DPF3: variants seen among roughly 807,000 people sequenced by gnomAD.
The protein encoded by DPF3 is zinc finger protein DPF3.
A neutral mutation model predicts 56.8 loss-of-function variants in DPF3; 18 were observed. The ratio of observed to expected loss-of-function variants is 0.32; its 90% CI spans 0.22 to 0.47. DPF3 has a LOEUF of 0.47. DPF3 is among the 20% of genes least tolerant of loss of function. The pLI, the probability that DPF3 is intolerant of heterozygous loss-of-function variation, is 1.00. For missense variants in DPF3, 403 were observed against 488.8 expected (o/e 0.82, Z 1.65); for synonymous variants, 188 against 180.2 (o/e 1.04, Z -0.35).
chr14:72,677,532 C>T, intron 7 of DPF3, among the ~76,000 whole-genome samples: 1 of 152,136 alleles, frequency 6.6e-6, no homozygotes, highest in Non-Finnish European at 1.5e-5. Context: ...CCCCGTTTCA[C>T]ATTATCATCT....
intron 1 of DPF3, among the ~76,000 whole-genome samples, chr14:72,781,872 G>A (rs77372800): frequency 0.033 from 5,090 of 152,182 alleles, 301 homozygotes; most frequent in African/African-American, 0.11. Flanking sequence ...GTGAGGTGGT[G>A]GAGAAGCCTG....
intron 3 of DPF3, among the ~76,000 whole-genome samples, chr14:72,746,667 G>A (rs1219924510): frequency 3.3e-5 from 5 of 152,218 alleles, no homozygotes; most frequent in East Asian, 1.9e-4. Flanking sequence ...CCCCGAGGGC[G>A]GATAATTGCA....
chr14:72,773,794 G>T, intron 1 of DPF3: 1 of 454,532 alleles, frequency 2.2e-6, no homozygotes, highest in South Asian at 1.6e-5. Context: ...GCATATGTCA[G>T]AATTTCCTTC....
intron 1 of DPF3, among the ~76,000 whole-genome samples, chr14:72,821,669 T>C (rs766390846): frequency 6.6e-6 from 1 of 152,172 alleles, no homozygotes; most frequent in Non-Finnish European, 1.5e-5. Flanking sequence ...ACAAATTGTT[T>C]CATTGCAGCA....
chr14:72,878,717 G>A (rs1886209784), intron 1 of DPF3, among the ~76,000 whole-genome samples: 1 of 152,218 alleles, frequency 6.6e-6, no homozygotes, highest in Non-Finnish European at 1.5e-5. Context: ...TTACTCCCCT[G>A]AAAGAAAGCA....
At chr14:72,737,210 CA>C (rs991802363) in intron 3 of DPF3, among the ~76,000 whole-genome samples, 2 of 148,970 alleles carry the variant, frequency 1.3e-5, no homozygotes, top group Non-Finnish European at 3.0e-5. Context: ...AACAAACAAA[CA>C]AAAAAAACCA....
intron 7 of DPF3, among the ~76,000 whole-genome samples, chr14:72,689,240 A>C (rs113630272): frequency 1.8e-3 from 267 of 152,206 alleles, no homozygotes; most frequent in Non-Finnish European, 3.4e-3. Flanking sequence ...AGGAGGACCA[A>C]AGTCAAAAGG....
intron 3 of DPF3, among the ~76,000 whole-genome samples, chr14:72,739,517 C>G (rs1567217369): frequency 2.6e-5 from 4 of 152,052 alleles, no homozygotes; most frequent in African/African-American, 9.7e-5. Context: ...TGCTTTTCAG[C>G]AAAAAAACCC....
chr14:72,883,765 T>C (rs1241945117), intron 1 of DPF3, among the ~76,000 whole-genome samples: 1 of 151,936 alleles, frequency 6.6e-6, no homozygotes, highest in Non-Finnish European at 1.5e-5. Context: ...CGATCTCTAC[T>C]GAAAATACAA....
At chr14:72,680,055 G>A (rs1296005382) in intron 7 of DPF3, among the ~76,000 whole-genome samples, 4 of 152,038 alleles carry the variant, frequency 2.6e-5, no homozygotes, top group South Asian at 2.1e-4. Flanking sequence ...GAGACAAGGC[G>A]CCTGCGAGGA....
intron 1 of DPF3, among the ~76,000 whole-genome samples, chr14:72,883,497 A>C (rs2140126970): frequency 6.6e-6 from 1 of 152,210 alleles, no homozygotes; most frequent in African/African-American, 2.4e-5. Flanking sequence ...TCTCCAAAAA[A>C]TATATGAGAA....
chr14:72,881,463 G>C (rs1308445184), intron 1 of DPF3, among the ~76,000 whole-genome samples: 1 of 152,076 alleles, frequency 6.6e-6, no homozygotes, highest in African/African-American at 2.4e-5. Context: ...TATTCTCCCT[G>C]TGTCGATAGT....
chr14:72,681,786 G>A (rs560495865), intron 7 of DPF3, among the ~76,000 whole-genome samples: 2 of 152,348 alleles, frequency 1.3e-5, no homozygotes, highest in Admixed American at 1.3e-4. Context: ...TGCCAGCAGT[G>A]TGTGCACCAT....
chr14:72,622,043 T>C (rs1884482947), intron 9 of DPF3, among the ~76,000 whole-genome samples: 1 of 152,192 alleles, frequency 6.6e-6, no homozygotes. Flanking sequence ...GTGAAGGTCC[T>C]AGGAGAGGAA....
chr14:72,695,705 G>A (rs1475293400), intron 6 of DPF3, among the ~76,000 whole-genome samples: 4 of 152,126 alleles, frequency 2.6e-5, no homozygotes, highest in Admixed American at 2.6e-4. Flanking sequence ...AAAGGGGGAA[G>A]GGAAGGAAGA....
chr14:72,775,247 G>GA (rs1891701103), intron 1 of DPF3, among the ~76,000 whole-genome samples: 1 of 151,990 alleles, frequency 6.6e-6, no homozygotes, highest in Non-Finnish European at 1.5e-5. Context: ...AAAACAAAAT[G>GA]AAAAATTGTA....
chr14:72,738,648 G>C (rs1181703177), intron 3 of DPF3, among the ~76,000 whole-genome samples: 2 of 152,182 alleles, frequency 1.3e-5, no homozygotes, highest in Non-Finnish European at 2.9e-5. Context: ...ATCAGGAGAG[G>C]CTGGTCAGAT....
At chr14:72,769,615 G>A (rs1453564199) in intron 2 of DPF3, among the ~76,000 whole-genome samples, 3 of 149,466 alleles carry the variant, frequency 2.0e-5, no homozygotes, top group African/African-American at 5.0e-5. Flanking sequence ...GGGAGGCAGA[G>A]GTTGCAGTGA....
intron 3 of DPF3, among the ~76,000 whole-genome samples, chr14:72,744,192 G>A (rs556621157): frequency 6.6e-6 from 1 of 152,154 alleles, no homozygotes; most frequent in Non-Finnish European, 1.5e-5. Context: ...ACACTGAAGG[G>A]GTGAGGACAG....
Sources: gnomAD v4.1 joint callset for allele counts (sites outside exome capture counted in the v4.1 genomes callset) on GRCh38, gnomAD v4.1.1 for gene constraint, MANE v1.5 for transcripts, NCBI Gene and HGNC (gene_info 2026-07-23, HGNC 2026-07-21) for gene names.